The following RBMS2 variants were observed in gnomAD, a reference collection of about 807,000 sequenced individuals.
The protein encoded by RBMS2 is RNA binding motif single stranded interacting protein 2, also known as RNA-binding motif, single-stranded-interacting protein 2.
In RBMS2, 38 loss-of-function variants were observed where a neutral mutation model predicts 58.4. The ratio of observed to expected loss-of-function variants is 0.65; its 90% CI spans 0.50 to 0.85. The LOEUF is 0.85. Among genes scored for constraint, RBMS2 ranks in the 40% least tolerant of loss-of-function variants. The pLI is 0.00. For synonymous variants in RBMS2, 151 were observed against 180.7 expected (o/e 0.84, Z 1.32); for missense variants, 367 against 503.7 (o/e 0.73, Z 2.60).
chr12:56,530,597 T>A (rs900646140), intron 1 of RBMS2, among the ~76,000 whole-genome samples: 2 of 151,964 alleles, frequency 1.3e-5, no homozygotes, highest in African/African-American at 4.8e-5. Context: ...TGGGCTCAAG[T>A]GATTCTCCCA....
chr12:56,588,327 T>C lies in RBMS2; in HGVS notation c.1096T>C (p.Tyr366His), dbSNP rs1440857303. The change falls in exon 12 of 14, where the codon TAC becomes CAC. Residue 366 changes from tyrosine to histidine, a missense_variant. By Grantham distance (83) the Tyr-to-His change is moderately conservative. Coordinates refer to ENST00000262031, the MANE Select transcript of RBMS2 (RefSeq NM_002898.4). ...GACGGCTGCAGCTATGCAAGGAGCT[T>C]ACATCTCCCAGTACACCCCTGTGCC... ...MPTAAAMQGA[Y>H]ISQYTPVPSS... is the part of the protein sequence containing the mutation. The C allele has an allele frequency of 6.2e-7, 1 of 1,613,992 alleles. No individual in the cohort carries two copies. Among genetic ancestry groups the C allele is most frequent in the Non-Finnish European group, 8.5e-7 (1 of 1,179,896 alleles).
chr12:56,573,022 T>G, intron 5 of RBMS2: 1 of 975,246 alleles, frequency 1.0e-6, no homozygotes, highest in Non-Finnish European at 1.2e-6. Context: ...CTTTTATTTA[T>G]TTTAAGATTT....
At chr12:56,549,749 A>G (rs2657887) in intron 1 of RBMS2, among the ~76,000 whole-genome samples, 143,865 of 152,200 alleles carry the variant, frequency 0.95, 68,351 homozygotes, top group East Asian at 1. Context: ...GAGCCAGGCA[A>G]GGTGCGGGGG....
chr12:56,569,749 G>A (rs1881970588), intron 3 of RBMS2, 150 bp from the exon 4 acceptor site: 2 of 696,940 alleles, frequency 2.9e-6, no homozygotes, highest in Middle Eastern at 3.9e-4. Flanking sequence ...TGAGGAGCAT[G>A]TGGATAACTA....
chr12:56,555,314 C>T (rs112383895), intron 1 of RBMS2, among the ~76,000 whole-genome samples: 7,122 of 151,772 alleles, frequency 0.047, 558 homozygotes, highest in African/African-American at 0.16. Flanking sequence ...GTGGCACATG[C>T]CTGTAATCCC....
chr12:56,581,051 ACT>A (rs1470067547), intron 5 of RBMS2, 131 bp from the exon 6 acceptor site: 17 of 778,704 alleles, frequency 2.2e-5, no homozygotes, highest in South Asian at 8.0e-5. Context: ...TGTGGCAGAC[ACT>A]CTGTGTTTCT....
chr12:56,542,926 G>C (rs189805715), intron 1 of RBMS2, among the ~76,000 whole-genome samples: 2 of 151,202 alleles, frequency 1.3e-5, no homozygotes, highest in Non-Finnish European at 2.9e-5. Flanking sequence ...TATTTATTGA[G>C]ATGAAGTCTC....
intron 1 of RBMS2, among the ~76,000 whole-genome samples, chr12:56,534,760 G>A (rs1874435465): frequency 1.3e-5 from 2 of 152,104 alleles, no homozygotes; most frequent in South Asian, 2.1e-4. Context: ...TCCTGCCTCA[G>A]CCTCCCGAAT....
At chr12:56,554,432 T>C (rs2136364954) in intron 1 of RBMS2, among the ~76,000 whole-genome samples, 1 of 152,336 alleles carries the variant, frequency 6.6e-6, no homozygotes, top group East Asian at 1.9e-4. Context: ...TTATGTCCTT[T>C]GCATGGACAT....
Position 56,589,031 on chromosome 12 carries a change from T to C in RBMS2, c.*6+13T>C, listed in dbSNP as rs751055837. ...CAAGTAACAGTGGGTAAGAACCACATGCTGGGGGGCAGGGAGGGCTGCACT... is the reference window on the plus strand; with the variant it reads ...CAAGTAACAGTGGGTAAGAACCACACGCTGGGGGGCAGGGAGGGCTGCACT... On this transcript the variant is annotated intron_variant, in intron 13 of 13. Transcript: ENST00000262031. 6 of 1,614,174 alleles carry C rather than the reference T, an allele frequency of 3.7e-6. No individual in the cohort carries two copies. The highest frequency in any genetic ancestry group is 5.1e-6 in the Non-Finnish European group (6 of 1,179,994).
intron 1 of RBMS2, among the ~76,000 whole-genome samples, chr12:56,559,633 C>T (rs1159066910): frequency 3.3e-5 from 5 of 149,740 alleles, no homozygotes; most frequent in East Asian, 2.1e-4. Context: ...GGGCGGATCA[C>T]GAGGTCAGGA....
chr12:56,550,675 C>G (rs1878089231), intron 1 of RBMS2, among the ~76,000 whole-genome samples: 1 of 151,878 alleles, frequency 6.6e-6, no homozygotes, highest in South Asian at 2.1e-4. Context: ...AACCCCGTCT[C>G]TACTAAAAAT....
chr12:56,552,308 A>G (rs1565746957), intron 1 of RBMS2, among the ~76,000 whole-genome samples: 1 of 152,214 alleles, frequency 6.6e-6, no homozygotes, highest in Non-Finnish European at 1.5e-5. Flanking sequence ...AGTGAAACCT[A>G]GACAGTACCC....
chr12:56,575,378 A>G (rs1199391436), intron 5 of RBMS2, among the ~76,000 whole-genome samples: 1 of 151,952 alleles, frequency 6.6e-6, no homozygotes, highest in Non-Finnish European at 1.5e-5. Context: ...TCAAAACTGC[A>G]GTCAACCATG....
At chr12:56,582,316 A>G (rs1394346525) in intron 9 of RBMS2, among the ~76,000 whole-genome samples, 164 bp downstream of exon 9, 3 of 152,178 alleles carry the variant, frequency 2.0e-5, no homozygotes, top group Admixed American at 6.5e-5. Context: ...GTGGTCATAT[A>G]TATGGTATAC....
chr12:56,564,370 C>T (rs1040234128), intron 2 of RBMS2, among the ~76,000 whole-genome samples: 8 of 152,198 alleles, frequency 5.3e-5, no homozygotes, highest in East Asian at 1.9e-4. Flanking sequence ...CATGTCCCTA[C>T]GCTTTTTTTT....
chr12:56,556,240 A>G (rs1347586904), intron 1 of RBMS2, among the ~76,000 whole-genome samples: 2 of 152,130 alleles, frequency 1.3e-5, no homozygotes, highest in Non-Finnish European at 2.9e-5. Flanking sequence ...GACCTGAAAA[A>G]TAATAAATAA....
chr12:56,538,554 C>T (rs571348638), intron 1 of RBMS2, among the ~76,000 whole-genome samples: 3 of 141,282 alleles, frequency 2.1e-5, no homozygotes, highest in South Asian at 2.4e-4. Flanking sequence ...GTGATCTCAG[C>T]TTACTGCAAC....
At chr12:56,533,135 C>G (rs907049886) in intron 1 of RBMS2, among the ~76,000 whole-genome samples, 2 of 151,658 alleles carry the variant, frequency 1.3e-5, no homozygotes, top group African/African-American at 4.8e-5. Context: ...GGGTCTCACT[C>G]TGTCATCCAG....
Sources: gnomAD v4.1 joint callset for allele counts (sites outside exome capture counted in the v4.1 genomes callset) on GRCh38, gnomAD v4.1.1 for gene constraint, MANE v1.5 for transcripts, NCBI Gene and HGNC (gene_info 2026-07-23, HGNC 2026-07-21) for gene names.